CLK1: variants seen among roughly 807,000 people sequenced by gnomAD.
CLK1 encodes the protein dual specificity protein kinase CLK1.
In CLK1, 40 loss-of-function variants were observed where a neutral mutation model predicts 60.9. That is an observed-to-expected ratio of 0.66 (90% CI 0.51 to 0.86). The LOEUF (loss-of-function observed/expected upper bound fraction) is 0.86. Among genes scored for constraint, CLK1 ranks in the 40% least tolerant of loss-of-function variants. The pLI is 0.00. For synonymous variants in CLK1, 203 were observed against 184.4 expected (o/e 1.10, Z -0.82); for missense variants, 563 against 606.1 (o/e 0.93, Z 0.75).
At chr2:200,854,878 A>G (rs112371737) in intron 10 of CLK1, 126 bp downstream of exon 10, 1 of 794,698 alleles carries the variant, frequency 1.3e-6, no homozygotes, top group Non-Finnish European at 2.1e-6. Flanking sequence ...TGAAAGAAAT[A>G]TGAATTAGTT....
In CLK1 at chr2:200,861,834, G is replaced by A. The variant is rs1221876499; in HGVS notation, c.29C>T (p.Pro10Leu). The part of the protein sequence containing the change: MRHSKRTYC[P>L]DWDDKDWDYG... ...ATCCCAATCCTTGTCATCCCAATCAGGACAGTAAGTTCTCTTTGAGTGTCT... is the reference window on the plus strand; with the variant it reads ...ATCCCAATCCTTGTCATCCCAATCAAGACAGTAAGTTCTCTTTGAGTGTCT... The change falls in exon 2 of 13, where the codon CCT becomes CTT. Residue 10 changes from proline (P) to leucine (L), a missense_variant. Coordinates refer to ENST00000321356, the MANE Select transcript of CLK1 (RefSeq NM_004071.4). The A allele has an allele frequency of 5.0e-6, 8 of 1,613,784 alleles. No homozygotes were observed. The highest frequency in any genetic ancestry group is 5.9e-6 in the Non-Finnish European group (7 of 1,179,990).
At chr2:200,856,612 A>G in intron 9 of CLK1, 70 bp downstream of exon 9, 7 of 1,404,158 alleles carry the variant, frequency 5.0e-6, no homozygotes, top group Non-Finnish European at 6.8e-6. Context: ...AGTAAGACCT[A>G]AAACTGCTAA....
chr2:200,864,184 T>C (rs1408487513), intron 1 of CLK1: 2 of 1,550,940 alleles, frequency 1.3e-6, no homozygotes, highest in Non-Finnish European at 1.7e-6. Flanking sequence ...GAGCCTCGCC[T>C]TTCCGGCCAC....
Position 200,853,097 on chromosome 2 carries a change from A to T in CLK1, c.*209T>A. The T allele has an allele frequency of 2.5e-6, 1 of 403,046 alleles. No homozygotes were observed. The highest frequency in any genetic ancestry group is 4.4e-6 in the Non-Finnish European group (1 of 229,166). 25.0% of individuals were successfully genotyped at this position (403,046 alleles called of 1,614,324 possible). The stretch of plus-strand genomic sequence containing the variant: ...CATATCAACTTCATAAGCACAAAAA[A>T]TTTATTCTGAATAAATCACTTTACA... On this transcript the variant is annotated 3_prime_UTR_variant, in exon 13 of 13. Coordinates refer to ENST00000321356, the MANE Select transcript of CLK1 (RefSeq NM_004071.4).
intron 1 of CLK1, among the ~76,000 whole-genome samples, chr2:200,863,466 G>A (rs527371837): frequency 6.6e-6 from 1 of 152,268 alleles, no homozygotes; most frequent in South Asian, 2.1e-4. Context: ...GCTGAGGTGG[G>A]AAGATCACCT....
intron 5 of CLK1, 88 bp from the exon 6 acceptor site, chr2:200,858,177 G>T: frequency 1.2e-6 from 1 of 862,820 alleles, no homozygotes; most frequent in Non-Finnish European, 2.0e-6. Flanking sequence ...CTACTACTCT[G>T]ACCCACTGTA....
At chr2:200,863,722 C>T (rs940236509) in intron 1 of CLK1, among the ~76,000 whole-genome samples, 5 of 152,118 alleles carry the variant, frequency 3.3e-5, no homozygotes, top group Non-Finnish European at 7.4e-5. Context: ...GGCGTCGTGG[C>T]GGGCGCCTGT....
intron 7 of CLK1, 53 bp from the exon 8 acceptor site, chr2:200,857,038 T>C (rs2039055306): frequency 6.2e-6 from 9 of 1,442,204 alleles, no homozygotes; most frequent in South Asian, 1.2e-5. Flanking sequence ...CCAAACCAAA[T>C]CACAAAACCC....
chr2:200,860,069 CTA>C, intron 4 of CLK1, 54 bp downstream of exon 4: 1 of 1,589,712 alleles, frequency 6.3e-7, no homozygotes. Flanking sequence ...AAAGCTTAAT[CTA>C]TATATAGATT....
intron 4 of CLK1, 47 bp downstream of exon 4, chr2:200,860,078 G>A (rs887267022): frequency 2.3e-5 from 36 of 1,599,740 alleles, no homozygotes; most frequent in Middle Eastern, 1.7e-4. Context: ...TCTATATATA[G>A]ATTATGTTAT....
intron 1 of CLK1, 123 bp from the exon 2 acceptor site, chr2:200,861,985 C>G (rs573177454): frequency 3.5e-5 from 25 of 721,472 alleles, no homozygotes; most frequent in Admixed American, 2.6e-4. Context: ...TCATTATCAC[C>G]CAATCTGAAA....
intron 5 of CLK1, 34 bp from the exon 6 acceptor site, chr2:200,858,123 C>T: frequency 7.6e-7 from 1 of 1,312,390 alleles, no homozygotes; most frequent in Non-Finnish European, 1.1e-6. Flanking sequence ...TTAAGAATGA[C>T]AGACATGATG....
chr2:200,862,890 C>T (rs904592158), intron 1 of CLK1, among the ~76,000 whole-genome samples: 1 of 152,202 alleles, frequency 6.6e-6, no homozygotes, highest in Non-Finnish European at 1.5e-5. Context: ...GCAACGGTGG[C>T]ATCAGAATAT....
Position 200,853,887 on chromosome 2 carries a change from T to C in CLK1, c.1311+16A>G, listed in dbSNP as rs377358887. 1.7e-5 allele frequency: 26 copies of C among 1,575,480 alleles called. No homozygotes were observed. The African/African-American group carries it at 2.6e-4, about 16-fold the overall frequency. Reference sequence around the variant, plus strand: ...AACTCAGTTTTGACTATTTGAGCAATGTCTCAAAGGCTTACCTTCAGAGGT... The same window carrying C: ...AACTCAGTTTTGACTATTTGAGCAACGTCTCAAAGGCTTACCTTCAGAGGT... On this transcript the variant is annotated intron_variant, in intron 12 of 12. Transcript: ENST00000321356.
chr2:200,855,215 C>T (rs948781253), intron 9 of CLK1, 129 bp from the exon 10 acceptor site: 4 of 643,274 alleles, frequency 6.2e-6, no homozygotes, highest in African/African-American at 3.7e-5. Context: ...GTGGCTCACA[C>T]CTGTAATCCC....
chr2:200,860,214 T>G lies in CLK1; in HGVS notation c.392A>C (p.Lys131Thr). ...CCTGGTTCTTTTCCTTCGGTGACTC[T>G]TCTGGAAACGTCAAGTGGGCGGCAC... ...HSTSHRRSHG[K>T]SHRRKRTRSV... Residue 131 changes from lysine (K) to threonine (T), a missense_variant and splice_region_variant, in exon 4 of 13, where the codon AAG becomes ACG. This residue lies in a region of CLK1 where 198 missense variants were observed against 179.2 expected (regional missense o/e 1.10). Transcript: ENST00000321356. The G allele has an allele frequency of 6.2e-7, 1 of 1,614,056 alleles. No individual in the cohort carries two copies. The highest frequency in any genetic ancestry group is 1.1e-5 in the South Asian group (1 of 91,078).
Position 200,854,626 on chromosome 2 carries a change from G to C in CLK1, c.1210C>G (p.Gln404Glu). The change falls in exon 11 of 13, where the codon CAG becomes GAG. Residue 404 changes from glutamine (Q) to glutamate (E), a missense_variant. This residue lies in a region of CLK1 where 360 missense variants were observed against 407.0 expected (regional missense o/e 0.88). Coordinates refer to ENST00000321356, the MANE Select transcript of CLK1 (RefSeq NM_004071.4). The part of the protein sequence containing the change: ...ILGPLPKHMI[Q>E]KTRKRKYFHH... ...ACTCTTAAAACGTACCTGGTTTTCT[G>C]TATCATATGTTTTGGTAGAGGTCCA... is the stretch of plus-strand genomic sequence containing the variant. 1 of 1,589,174 alleles carries C rather than the reference G, an allele frequency of 6.3e-7. No individual in the cohort carries two copies. Among genetic ancestry groups the C allele is most frequent in the Non-Finnish European group, 8.6e-7 (1 of 1,157,592 alleles).
intron 1 of CLK1, among the ~76,000 whole-genome samples, chr2:200,862,398 A>T (rs1384371887): frequency 2.0e-5 from 3 of 150,642 alleles, no homozygotes; most frequent in Non-Finnish European, 3.0e-5. Context: ...AATCTCCCCC[A>T]CCCTTAGGAA....
At chr2:200,858,316 A>C in intron 5 of CLK1, 1 of 540,574 alleles carries the variant, frequency 1.8e-6, no homozygotes, top group Non-Finnish European at 3.3e-6. Context: ...TTCTTCCTAT[A>C]TGGTACCTGT....
Sources: allele counts gnomAD v4.1 joint callset (sites outside exome capture counted in the v4.1 genomes callset), GRCh38; gene constraint gnomAD v4.1.1; regional missense constraint gnomAD v4.1.1; transcripts MANE v1.5; gene names NCBI Gene and HGNC (gene_info 2026-07-23, HGNC 2026-07-21).